Variants in STAT3 observed in about 807,000 individuals in gnomAD.
STAT3 encodes DNA-binding protein APRF.
In STAT3, 7 loss-of-function variants were observed where a neutral mutation model predicts 114.3. The ratio of observed to expected loss-of-function variants is 0.06; its 90% CI spans 0.03 to 0.11. STAT3 has a LOEUF of 0.11. Ranked by LOEUF, STAT3 falls within the 10% of genes least tolerant of loss-of-function variation. The probability of loss-of-function intolerance (pLI) is 1.00; values close to 1 mark genes in which losing one functional copy is unlikely to be tolerated. For synonymous variants in STAT3, 331 were observed against 354.5 expected (o/e 0.93, Z 0.74); for missense variants, 364 against 960.9 (o/e 0.38, Z 8.21).
In STAT3 at chr17:42,337,580, C is replaced by G. The variant is rs1325088493; in HGVS notation, c.652G>C (p.Val218Leu). 1 of 1,614,196 alleles carries G rather than the reference C, an allele frequency of 6.2e-7. No individual in the cohort carries two copies. The highest frequency in any genetic ancestry group is 8.5e-7 in the Non-Finnish European group (1 of 1,180,034). ...TALDQMRRSI[V>L]SELAGLLSAM... ...GACAAAAGCCCCGCCAGCTCACTCACGATGCTCTGGTTGGAAACCAAAACA... is the reference window on the plus strand; with the variant it reads ...GACAAAAGCCCCGCCAGCTCACTCAGGATGCTCTGGTTGGAAACCAAAACA... Residue 218 changes from valine (V) to leucine (L), a missense_variant, in exon 8 of 24, where the codon GTG becomes CTG. Physicochemically the swap from Val to Leu is conservative, Grantham distance 32. Around this residue, in one of 5 missense-constraint regions of STAT3, gnomAD observed 294 missense variants for 745.1 expected, o/e 0.39. Transcript: ENST00000264657. The surrounding 1 kb of genome is among the most constrained non-coding windows in gnomAD (Gnocchi z 4.0).
intron 1 of STAT3, chr17:42,387,090 A>G (rs983937711): frequency 1.3e-5 from 2 of 152,218 alleles, no homozygotes; most frequent in Non-Finnish European, 2.9e-5. Flanking sequence ...CCAGCCAAAA[A>G]TTTACAACCC....
chr17:42,379,088 C>T lies in STAT3; in HGVS notation c.-24+9191G>A, dbSNP rs971089063. Among the ~76,000 whole-genome samples, 20 of 152,080 alleles carry T rather than the reference C, an allele frequency of 1.3e-4. 1 individual carries two copies. Among genetic ancestry groups the T allele is most frequent in the Admixed American group, 1.2e-3 (19 of 15,242 alleles). On this transcript the variant is annotated intron_variant, in intron 1 of 23. Transcript: ENST00000264657. ...GCAGGGTTTTCCTAAATTGGGCTTA[C>T]CTTCACTAATCCAAATCAGTTTTCA...
At chr17:42,351,857 C>G (rs2082978440) in intron 1 of STAT3, among the ~76,000 whole-genome samples, 1 of 151,992 alleles carries the variant, frequency 6.6e-6, no homozygotes, top group Non-Finnish European at 1.5e-5. Context: ...CTCCCGGGTT[C>G]AAGCGATTTT....
intron 21 of STAT3, chr17:42,317,428 T>C: frequency 1.5e-6 from 1 of 649,432 alleles, no homozygotes; most frequent in Non-Finnish European, 2.7e-6. Context: ...AGCTGTGAAC[T>C]TCAGTTCTTT....
chr17:42,320,941 TC>T, intron 21 of STAT3, among the ~76,000 whole-genome samples: 1 of 130,222 alleles, frequency 7.7e-6, no homozygotes, highest in African/African-American at 3.9e-5. Context: ...TTTTTCTTTC[TC>T]TTCTTTGTGT....
intron 1 of STAT3, among the ~76,000 whole-genome samples, chr17:42,355,880 TACA>T (rs2083200528): frequency 6.6e-6 from 1 of 152,208 alleles, no homozygotes; most frequent in Non-Finnish European, 1.5e-5. Flanking sequence ...CTAGTGGATT[TACA>T]ACGAGGGTGA....
At chr17:42,355,118 A>G (rs372599897) in intron 1 of STAT3, among the ~76,000 whole-genome samples, 10 of 152,200 alleles carry the variant, frequency 6.6e-5, no homozygotes, top group African/African-American at 1.9e-4. Flanking sequence ...AAAAGACCTC[A>G]AAGAGCCCAT....
At chr17:42,345,914 G>A (rs1271758389) in intron 3 of STAT3, among the ~76,000 whole-genome samples, 5 of 139,846 alleles carry the variant, frequency 3.6e-5, no homozygotes, top group Non-Finnish European at 7.5e-5. Flanking sequence ...CACTCTGTCC[G>A]CCAGGCTGGA....
chr17:42,325,487 C>T (rs1455082676), intron 15 of STAT3, among the ~76,000 whole-genome samples: 1 of 152,086 alleles, frequency 6.6e-6, no homozygotes, highest in Non-Finnish European at 1.5e-5. Context: ...AGGAGAATGT[C>T]ATTGCCACAA....
intron 1 of STAT3, 139 bp from the exon 2 acceptor site, chr17:42,348,678 CA>C (rs745881992): frequency 6.9e-5 from 70 of 1,007,784 alleles, no homozygotes; most frequent in Non-Finnish European, 9.6e-5. Context: ...TTCTTTCTCC[CA>C]GTTTATTTTA....
intron 1 of STAT3, among the ~76,000 whole-genome samples, chr17:42,381,874 T>G (rs968277057): frequency 2.7e-5 from 4 of 150,822 alleles, no homozygotes; most frequent in Admixed American, 6.6e-5. Flanking sequence ...CTACAAGTCT[T>G]TTTTTTTATA....
intron 1 of STAT3, among the ~76,000 whole-genome samples, chr17:42,381,337 T>G (rs1179729775): frequency 6.6e-6 from 1 of 152,166 alleles, no homozygotes; most frequent in Non-Finnish European, 1.5e-5. Context: ...TTCTTATGGC[T>G]GGGGGTAGCA....
intron 14 of STAT3, among the ~76,000 whole-genome samples, chr17:42,327,341 T>G (rs2081773464): frequency 6.6e-6 from 1 of 152,234 alleles, no homozygotes; most frequent in Non-Finnish European, 1.5e-5. Flanking sequence ...TTGTTTAGTT[T>G]GGGACATTTG....
intron 3 of STAT3, 48 bp downstream of exon 3, chr17:42,346,521 C>T (rs2144990922): frequency 1.2e-6 from 2 of 1,613,396 alleles, no homozygotes; most frequent in East Asian, 4.5e-5. Flanking sequence ...ACACTAACAC[C>T]CGACTCTGCG....
rs2081171065 is a variant in STAT3 at position 42,314,175 on chromosome 17, A to T, written c.*1570T>A. On this transcript the variant is annotated 3_prime_UTR_variant, in exon 24 of 24. Transcript: ENST00000264657. ...GAGTCACCAGCCTCAGAGGGAGGCC[A>T]GGTATACACCCTCATACGAGGGCAG... The T allele has an allele frequency of 1.7e-5, 4 of 232,504 alleles. No homozygotes were observed. The Admixed American group carries it at 2.3e-4, about 13-fold the overall frequency. 14.4% of individuals were successfully genotyped at this position (232,504 alleles called of 1,614,324 possible).
chr17:42,379,526 C>A (rs1258879097), intron 1 of STAT3, among the ~76,000 whole-genome samples: 4 of 152,176 alleles, frequency 2.6e-5, no homozygotes, highest in Non-Finnish European at 5.9e-5. Context: ...GCAATCAGCT[C>A]CCAGCTTCAT....
intron 4 of STAT3, among the ~76,000 whole-genome samples, chr17:42,341,554 C>T (rs373030632): frequency 7.9e-5 from 12 of 152,308 alleles, no homozygotes; most frequent in African/African-American, 2.9e-4. Flanking sequence ...TACTTATAAT[C>T]CCAACTAGCC....
At chr17:42,360,553 G>C (rs1343645013) in intron 1 of STAT3, among the ~76,000 whole-genome samples, 2 of 151,754 alleles carry the variant, frequency 1.3e-5, no homozygotes, top group East Asian at 3.9e-4. Flanking sequence ...CTAAGGCAGG[G>C]GAATTGCTTG....
At chr17:42,315,918 C>T in intron 23 of STAT3, 118 bp from the exon 24 acceptor site, 1 of 1,590,788 alleles carries the variant, frequency 6.3e-7, no homozygotes. Flanking sequence ...ATCTCCTGCC[C>T]CTTAAGGCCC....
Sources: gnomAD v4.1 joint callset for allele counts (sites outside exome capture counted in the v4.1 genomes callset) on GRCh38, gnomAD v4.1.1 for gene constraint, gnomAD v4.1.1 regional missense constraint, Gnocchi (gnomAD v3.1) non-coding constraint, MANE v1.5 for transcripts, NCBI Gene and HGNC (gene_info 2026-07-23, HGNC 2026-07-21) for gene names.